Variants in NTRK2 observed in about 807,000 individuals in gnomAD.
The protein encoded by NTRK2 is neurotrophic receptor tyrosine kinase 2.
In NTRK2, 13 loss-of-function variants were observed where a neutral mutation model predicts 94.5. The observed-to-expected ratio is 0.14, with a 90% CI of 0.09 to 0.22. NTRK2 has a LOEUF of 0.22. NTRK2 is among the 10% of genes least tolerant of loss of function. NTRK2 has a pLI of 1.00. For missense variants in NTRK2, 639 were observed against 1,071.2 expected (o/e 0.60, Z 5.63); for synonymous variants, 372 against 407.4 (o/e 0.91, Z 1.05).
intron 14 of NTRK2, among the ~76,000 whole-genome samples, chr9:84,886,680 G>A (rs2076424868): frequency 6.6e-6 from 1 of 152,170 alleles, no homozygotes; most frequent in Non-Finnish European, 1.5e-5. Flanking sequence ...ATTCTTTTCT[G>A]TTTTTTATCC....
At chr9:84,839,295 A>T (rs79429734) in intron 12 of NTRK2, among the ~76,000 whole-genome samples, 1 of 152,206 alleles carries the variant, frequency 6.6e-6, no homozygotes, top group Non-Finnish European at 1.5e-5. Flanking sequence ...TCTGACTTTT[A>T]ATTGGCCTGT....
intron 12 of NTRK2, among the ~76,000 whole-genome samples, chr9:84,760,097 C>T (rs2065417436): frequency 6.6e-6 from 1 of 152,064 alleles, no homozygotes; most frequent in Non-Finnish European, 1.5e-5. Context: ...GTCTTCAACC[C>T]AAGGAACATA....
At chr9:84,883,036 G>C (rs2076309959) in intron 14 of NTRK2, among the ~76,000 whole-genome samples, 2 of 152,218 alleles carry the variant, frequency 1.3e-5, no homozygotes, top group South Asian at 4.2e-4. Flanking sequence ...CAAAGTGCTG[G>C]GATTACAGGC....
chr9:84,878,566 G>A (rs921864311), intron 14 of NTRK2, among the ~76,000 whole-genome samples: 10 of 151,678 alleles, frequency 6.6e-5, no homozygotes, highest in African/African-American at 2.2e-4. Context: ...CCCAGGAGGC[G>A]GGGGTTGCAG....
chr9:84,989,342 CATATATTT>C (rs1265885863), intron 17 of NTRK2, among the ~76,000 whole-genome samples: 3 of 152,078 alleles, frequency 2.0e-5, no homozygotes, highest in Non-Finnish European at 4.4e-5. Flanking sequence ...TTTATTCTTC[CATATATTT>C]ATATATTTAT....
At chr9:84,947,405 AG>A (rs1361665101) in intron 15 of NTRK2, among the ~76,000 whole-genome samples, 1 of 152,258 alleles carries the variant, frequency 6.6e-6, no homozygotes, top group Admixed American at 6.5e-5. Flanking sequence ...TCCCAGGATT[AG>A]GAAGTGAACA....
At chr9:84,875,816 T>G in intron 14 of NTRK2, 8 of 1,047,494 alleles carry the variant, frequency 7.6e-6, no homozygotes, top group Non-Finnish European at 9.2e-6. Flanking sequence ...ACTGGGGTTC[T>G]GGCAAGGAGG....
chr9:84,813,516 T>G, intron 12 of NTRK2: 1 of 1,065,396 alleles, frequency 9.4e-7, no homozygotes, highest in Non-Finnish European at 1.1e-6. Flanking sequence ...TTCCTGACAT[T>G]GCCATTGAGG....
chr9:84,877,631 G>A, intron 14 of NTRK2: 4 of 1,065,344 alleles, frequency 3.8e-6, no homozygotes, highest in Non-Finnish European at 4.5e-6. Flanking sequence ...ATAGGGAAGG[G>A]GTTCTGTTGA....
At chr9:84,691,664 T>C (rs2060055822) in intron 2 of NTRK2, among the ~76,000 whole-genome samples, 1 of 152,084 alleles carries the variant, frequency 6.6e-6, no homozygotes, top group African/African-American at 2.4e-5. Flanking sequence ...GCTGCAGAGG[T>C]ACCAGCAGAG....
intron 12 of NTRK2, chr9:84,813,649 G>A (rs2133597049): frequency 1.9e-6 from 2 of 1,066,032 alleles, no homozygotes; most frequent in East Asian, 5.0e-5. Flanking sequence ...TCCCTTTGCT[G>A]GGAATTCTGC....
intron 14 of NTRK2, among the ~76,000 whole-genome samples, chr9:84,870,331 GTATATATATATATATATA>G (rs1158637577): frequency 6.7e-4 from 21 of 31,182 alleles, no homozygotes; most frequent in African/African-American, 1.7e-3. Context: ...GTGTGTGTGT[GTATATATATATATATATA>G]TATATATATA....
intron 14 of NTRK2, chr9:84,875,688 C>T (rs1052829928): frequency 2.3e-5 from 24 of 1,054,286 alleles, no homozygotes; most frequent in Middle Eastern, 8.5e-4. Context: ...GCTGGAGTCT[C>T]CTTTTGGTCA....
At chr9:84,829,619 T>G (rs2131651284) in intron 12 of NTRK2, among the ~76,000 whole-genome samples, 1 of 152,294 alleles carries the variant, frequency 6.6e-6, no homozygotes, top group Non-Finnish European at 1.5e-5. Flanking sequence ...CCTGTTTGCA[T>G]GCTGGGCCGT....
At chr9:84,814,401 C>G in intron 12 of NTRK2, 1 of 1,065,842 alleles carries the variant, frequency 9.4e-7, no homozygotes, top group East Asian at 5.0e-5. Context: ...CGCTTTCTCT[C>G]TCCTCTTCTT....
intron 17 of NTRK2, among the ~76,000 whole-genome samples, chr9:85,007,503 T>A (rs1831102605): frequency 6.6e-6 from 1 of 151,910 alleles, no homozygotes; most frequent in African/African-American, 2.4e-5. Context: ...TGGAAAAAGG[T>A]CAGAAGGAAA....
chr9:84,848,065 C>T (rs987488437), intron 12 of NTRK2, among the ~76,000 whole-genome samples: 2 of 137,738 alleles, frequency 1.5e-5, no homozygotes, highest in East Asian at 2.1e-4. Context: ...CTCTGTGGCT[C>T]CAGTAGAGAG....
intron 5 of NTRK2, among the ~76,000 whole-genome samples, chr9:84,709,071 G>A (rs542256160): frequency 1.3e-5 from 2 of 152,332 alleles, no homozygotes; most frequent in Admixed American, 1.3e-4. Context: ...AATGTTAATT[G>A]TGTACCTATT....
chr9:84,944,661 C>T (rs1487579667), intron 15 of NTRK2, among the ~76,000 whole-genome samples: 3 of 152,220 alleles, frequency 2.0e-5, no homozygotes, highest in Admixed American at 1.3e-4. Flanking sequence ...TCTGTGTGTG[C>T]AGTATGACAC....
Sources: gnomAD v4.1 joint callset for allele counts (sites outside exome capture counted in the v4.1 genomes callset) on GRCh38, gnomAD v4.1.1 for gene constraint, MANE v1.5 for transcripts, NCBI Gene and HGNC (gene_info 2026-07-23, HGNC 2026-07-21) for gene names.